The following NRP1 variants were observed in gnomAD, a reference collection of about 807,000 sequenced individuals.
NRP1 encodes the protein neuropilin-1.
Under a neutral mutation model 106.7 loss-of-function variants are expected in NRP1, and 35 were observed. The observed-to-expected ratio is 0.33, with a 90% confidence interval of 0.25 to 0.43. The LOEUF is 0.43. NRP1 is among the 20% of genes least tolerant of loss of function. The probability of loss-of-function intolerance (pLI) is 1.00; values close to 1 mark genes in which losing one functional copy is unlikely to be tolerated. For synonymous variants in NRP1, 437 were observed against 417.9 expected (o/e 1.05, Z -0.56); for missense variants, 1,024 against 1,170.4 (o/e 0.87, Z 1.83).
At chr10:33,237,485 G>GTGCACACA (rs1554788810) in intron 6 of NRP1, among the ~76,000 whole-genome samples, 6 of 130,158 alleles carry the variant, frequency 4.6e-5, no homozygotes, top group African/African-American at 1.6e-4. Context: ...ACACATGCGC[G>GTGCACACA]CGCACACACA....
intron 6 of NRP1, among the ~76,000 whole-genome samples, chr10:33,238,954 A>T (rs1002265143): frequency 4.0e-5 from 6 of 150,996 alleles, no homozygotes; most frequent in Non-Finnish European, 8.8e-5. Flanking sequence ...TAGTTTTGCC[A>T]GTAGTACCTA....
At chr10:33,251,230 G>C (rs1415536541) in intron 6 of NRP1, among the ~76,000 whole-genome samples, 1 of 152,154 alleles carries the variant, frequency 6.6e-6, no homozygotes, top group Non-Finnish European at 1.5e-5. Flanking sequence ...CTGCCGCCAT[G>C]TAAGACGTGC....
intron 6 of NRP1, among the ~76,000 whole-genome samples, chr10:33,228,901 A>G (rs1050083446): frequency 6.6e-6 from 1 of 152,226 alleles, no homozygotes; most frequent in Non-Finnish European, 1.5e-5. Flanking sequence ...TATTTTACCA[A>G]CATATTCTTA....
chr10:33,301,212 T>A (rs183467623), intron 2 of NRP1, among the ~76,000 whole-genome samples: 6 of 152,204 alleles, frequency 3.9e-5, no homozygotes, highest in Non-Finnish European at 8.8e-5. Context: ...GAGAACTGAA[T>A]GTCGAGGGCT....
At chr10:33,320,398 C>G (rs1414389040) in intron 2 of NRP1, among the ~76,000 whole-genome samples, 1 of 151,710 alleles carries the variant, frequency 6.6e-6, no homozygotes, top group Non-Finnish European at 1.5e-5. Context: ...GAACCAGAGG[C>G]CCCAAAATTC....
intron 8 of NRP1, among the ~76,000 whole-genome samples, chr10:33,216,559 T>A (rs1177082204): frequency 6.6e-6 from 1 of 151,598 alleles, no homozygotes; most frequent in East Asian, 2.0e-4. Context: ...CCTCAAGCAA[T>A]CCTCCCACCT....
chr10:33,300,458 C>T (rs557726059), intron 2 of NRP1, among the ~76,000 whole-genome samples: 7 of 152,190 alleles, frequency 4.6e-5, no homozygotes, highest in African/African-American at 9.7e-5. Context: ...GAGTTCCTCC[C>T]GCCCGGCCTG....
intron 6 of NRP1, among the ~76,000 whole-genome samples, chr10:33,229,439 G>C (rs1013475149): frequency 6.6e-6 from 1 of 152,164 alleles, no homozygotes; most frequent in Non-Finnish European, 1.5e-5. Context: ...TCAAGCTGAA[G>C]GGTCCTTAAA....
intron 2 of NRP1, among the ~76,000 whole-genome samples, chr10:33,284,349 G>A (rs532555316): frequency 6.8e-4 from 104 of 152,286 alleles, no homozygotes; most frequent in African/African-American, 2.2e-3. Context: ...AATTTATTAA[G>A]AGGATTGATA....
chr10:33,312,604 A>G (rs1034502129), intron 2 of NRP1, among the ~76,000 whole-genome samples: 2 of 152,254 alleles, frequency 1.3e-5, no homozygotes, highest in African/African-American at 4.8e-5. Context: ...TGCAGGCAAC[A>G]ACAAAGTGCC....
At chr10:33,272,125 C>T (rs186205963) in intron 2 of NRP1, among the ~76,000 whole-genome samples, 209 of 152,214 alleles carry the variant, frequency 1.4e-3, no homozygotes, top group Middle Eastern at 3.4e-3. Context: ...TCAAACTGCC[C>T]GGGACGCATG....
intron 10 of NRP1, among the ~76,000 whole-genome samples, chr10:33,204,650 C>T (rs762484370): frequency 2.8e-4 from 42 of 150,388 alleles, no homozygotes; most frequent in Admixed American, 9.2e-4. Context: ...CTAGATTCAA[C>T]GGAAAAAAAA....
At position 33,299,627 on chromosome 10, in the gene NRP1, A is replaced by G. The variant is rs77914437; in HGVS notation, c.249-28771T>C. Among the ~76,000 whole-genome samples the G allele has an allele frequency of 8.7e-4, 133 of 152,170 alleles. No individual in the cohort carries two copies. In the East Asian group the frequency reaches 0.025, roughly 29 times the overall value. ...GACCCCAGTCTCTACAAACAAATAA[A>G]ATTTAAAAATCGGCTGGTTTTAGTG... On this transcript the variant is annotated intron_variant, in intron 2 of 16. Coordinates refer to ENST00000374867, the MANE Select transcript of NRP1 (RefSeq NM_003873.7).
chr10:33,265,708 C>A (rs1038521582), intron 3 of NRP1, among the ~76,000 whole-genome samples: 2 of 152,214 alleles, frequency 1.3e-5, no homozygotes, highest in African/African-American at 2.4e-5. Flanking sequence ...ATTTGAAATA[C>A]CTCTCAAACC....
At chr10:33,282,309 C>T (rs149072256) in intron 2 of NRP1, among the ~76,000 whole-genome samples, 1 of 152,206 alleles carries the variant, frequency 6.6e-6, no homozygotes, top group African/African-American at 2.4e-5. Flanking sequence ...GGCAGTGCGT[C>T]CGGCTTACTG....
chr10:33,316,620 T>C (rs1196905393), intron 2 of NRP1, among the ~76,000 whole-genome samples: 1 of 152,070 alleles, frequency 6.6e-6, no homozygotes, highest in East Asian at 1.9e-4. Flanking sequence ...ATTTCAGTGT[T>C]GGAGGAGAAA....
chr10:33,256,190 A>G (rs1842184308), intron 5 of NRP1, 126 bp downstream of exon 5: 1 of 883,402 alleles, frequency 1.1e-6, no homozygotes, highest in Admixed American at 2.2e-5. Flanking sequence ...TTTAGAAGAG[A>G]AAAACAGACA....
At chr10:33,197,762 C>T (rs373963068) in intron 11 of NRP1, 53 bp from the exon 12 acceptor site, 1 of 1,093,508 alleles carries the variant, frequency 9.1e-7, no homozygotes, top group Non-Finnish European at 1.4e-6. Context: ...AGCGAATATG[C>T]AGGAGAAAAA....
At chr10:33,255,070 G>C (rs907690062) in intron 5 of NRP1, among the ~76,000 whole-genome samples, 1 of 152,134 alleles carries the variant, frequency 6.6e-6, no homozygotes, top group Non-Finnish European at 1.5e-5. Context: ...GTGAAAAAAA[G>C]CTTTAGAGAT....
Sources: gnomAD v4.1 joint callset for allele counts (sites outside exome capture counted in the v4.1 genomes callset) on GRCh38, gnomAD v4.1.1 for gene constraint, MANE v1.5 for transcripts, NCBI Gene and HGNC (gene_info 2026-07-23, HGNC 2026-07-21) for gene names.